MYO1E: variants seen among roughly 807,000 people sequenced by gnomAD.
The protein encoded by MYO1E is myosin IE.
In MYO1E, 68 loss-of-function variants were observed where a neutral mutation model predicts 151.1. That is an observed-to-expected ratio of 0.45 (90% CI 0.37 to 0.55). The LOEUF is 0.55. MYO1E is among the 20% of genes least tolerant of loss of function. The pLI is 0.00. For missense variants in MYO1E, 1,363 were observed against 1,389.3 expected (o/e 0.98, Z 0.30); for synonymous variants, 601 against 501.7 (o/e 1.20, Z -2.64).
chr15:59,324,636 G>A (rs1567015016), intron 1 of MYO1E, among the ~76,000 whole-genome samples: 1 of 136,518 alleles, frequency 7.3e-6, no homozygotes, highest in Non-Finnish European at 1.6e-5. Context: ...AAAGAGCTGT[G>A]TCTCGCCGTA....
At chr15:59,335,416 G>A (rs924831058) in intron 1 of MYO1E, among the ~76,000 whole-genome samples, 3 of 152,124 alleles carry the variant, frequency 2.0e-5, no homozygotes, top group South Asian at 4.1e-4. Context: ...AAGATTTTAC[G>A]GATTTTGAAA....
At chr15:59,307,235 C>G (rs2080519888) in intron 1 of MYO1E, among the ~76,000 whole-genome samples, 1 of 152,180 alleles carries the variant, frequency 6.6e-6, no homozygotes, top group Non-Finnish European at 1.5e-5. Flanking sequence ...ATGGCCTGGG[C>G]ATTGGAACTC....
intron 20 of MYO1E, 65 bp downstream of exon 20, chr15:59,174,061 T>G: frequency 1.3e-6 from 2 of 1,516,802 alleles, no homozygotes; most frequent in Non-Finnish European, 1.8e-6. Flanking sequence ...AACTTAAAAC[T>G]TCACTTAAGC....
intron 19 of MYO1E, among the ~76,000 whole-genome samples, chr15:59,176,502 C>A (rs1322732043): frequency 6.7e-6 from 1 of 148,438 alleles, no homozygotes; most frequent in Non-Finnish European, 1.5e-5. Context: ...TGATCTGTTG[C>A]CCAGGCTGGA....
intron 1 of MYO1E, among the ~76,000 whole-genome samples, chr15:59,309,447 G>C (rs1249154764): frequency 6.6e-6 from 1 of 152,186 alleles, no homozygotes; most frequent in East Asian, 1.9e-4. Context: ...AAACTAAACA[G>C]ATGCAAAAAC....
chr15:59,251,130 G>C (rs2080162304), intron 4 of MYO1E, among the ~76,000 whole-genome samples: 1 of 152,172 alleles, frequency 6.6e-6, no homozygotes, highest in East Asian at 1.9e-4. Context: ...TGCCTCTCTA[G>C]TAGTCGGTGA....
chr15:59,321,100 T>C (rs1444478695), intron 1 of MYO1E, among the ~76,000 whole-genome samples: 27 of 150,112 alleles, frequency 1.8e-4, no homozygotes, highest in Admixed American at 1.8e-3. Flanking sequence ...ACATCACTAA[T>C]TATCATAGAA....
chr15:59,297,906 TC>T (rs1472463055), intron 1 of MYO1E, among the ~76,000 whole-genome samples: 5 of 152,300 alleles, frequency 3.3e-5, no homozygotes, highest in Admixed American at 3.3e-4. Context: ...TTTAAACAGT[TC>T]AGGCAAGTTA....
intron 1 of MYO1E, among the ~76,000 whole-genome samples, chr15:59,338,095 GTAAC>G (rs1313707215): frequency 4.6e-5 from 7 of 151,624 alleles, no homozygotes; most frequent in Admixed American, 2.6e-4. Context: ...GGTAATAGGT[GTAAC>G]TAAAGTGGCC....
intron 1 of MYO1E, among the ~76,000 whole-genome samples, chr15:59,278,186 C>G (rs1050752873): frequency 2.6e-5 from 4 of 152,166 alleles, no homozygotes; most frequent in Non-Finnish European, 5.9e-5. Flanking sequence ...AGTATCATGT[C>G]TGAGCCATTT....
intron 4 of MYO1E, among the ~76,000 whole-genome samples, chr15:59,241,994 G>T (rs755600068): frequency 1.3e-5 from 2 of 151,950 alleles, no homozygotes; most frequent in Non-Finnish European, 2.9e-5. Context: ...GGGAAGCTGG[G>T]AGGGGTAGGG....
intron 1 of MYO1E, among the ~76,000 whole-genome samples, chr15:59,303,995 T>A (rs2080499636): frequency 6.6e-6 from 1 of 151,200 alleles, no homozygotes; most frequent in Non-Finnish European, 1.5e-5. Flanking sequence ...TTTTTTTTTT[T>A]TTTTTAGAGG....
intron 1 of MYO1E, among the ~76,000 whole-genome samples, chr15:59,310,429 A>G (rs1017037043): frequency 6.6e-6 from 1 of 152,172 alleles, no homozygotes; most frequent in Non-Finnish European, 1.5e-5. Context: ...AAGATAACTC[A>G]CGTCCTTAAA....
chr15:59,221,803 AT>A (rs1353975686), intron 9 of MYO1E, among the ~76,000 whole-genome samples: 2 of 152,270 alleles, frequency 1.3e-5, no homozygotes, highest in Non-Finnish European at 2.9e-5. Context: ...CAGTGTCATG[AT>A]TTTGTTTTCA....
intron 2 of MYO1E, among the ~76,000 whole-genome samples, chr15:59,267,856 C>T (rs1344475960): frequency 1.3e-5 from 2 of 152,286 alleles, no homozygotes. Flanking sequence ...CAAATTAAAC[C>T]TTGTCATAGG....
chr15:59,141,625 C>A (rs1198784145), intron 26 of MYO1E, among the ~76,000 whole-genome samples: 1 of 152,042 alleles, frequency 6.6e-6, no homozygotes, highest in Non-Finnish European at 1.5e-5. Flanking sequence ...ATGGCGAAAC[C>A]CGTCTCTACT....
In MYO1E at chr15:59,138,335, G is replaced by T. The variant is rs1346042996; in HGVS notation, c.3113C>A (p.Pro1038Gln). Residue 1038 changes from proline (P) to glutamine (Q), a missense_variant, in exon 27 of 28, where the codon CCA (proline) becomes CAA (glutamine). By Grantham distance (76) the Pro-to-Gln change is moderately conservative (BLOSUM62 -1). Coordinates refer to ENST00000288235, the MANE Select transcript of MYO1E (RefSeq NM_004998.4). The part of the protein sequence containing the change: ...VRRQTTSRPP[P>Q]AGGRPKPQPK... ...CTGGGGCTTGGGTCTGCCCCCTGCT[G>T]GGGGAGGCCGACTGGTTGTTTGTCT... is the stretch of plus-strand genomic sequence containing the variant. The T allele has an allele frequency of 1.5e-5, 25 of 1,614,024 alleles. No homozygotes were observed. Among genetic ancestry groups the T allele is most frequent in the Non-Finnish European group, 2.0e-5 (24 of 1,180,006 alleles).
intron 26 of MYO1E, among the ~76,000 whole-genome samples, chr15:59,140,759 A>C (rs932041902): frequency 6.6e-6 from 1 of 152,136 alleles, no homozygotes; most frequent in Non-Finnish European, 1.5e-5. Context: ...GGGAACACTG[A>C]CTGCCAGCAG....
At chr15:59,231,557 G>T in intron 6 of MYO1E, 145 bp downstream of exon 6, 1 of 879,788 alleles carries the variant, frequency 1.1e-6, no homozygotes, top group Non-Finnish European at 1.9e-6. Flanking sequence ...GCGGCATGCT[G>T]CTATAGAAAA....
Sources: allele counts gnomAD v4.1 joint callset (sites outside exome capture counted in the v4.1 genomes callset), GRCh38; gene constraint gnomAD v4.1.1; transcripts MANE v1.5; gene names NCBI Gene and HGNC (gene_info 2026-07-23, HGNC 2026-07-21).